Variants in BFSP1 observed in about 807,000 individuals in gnomAD.
BFSP1 encodes the protein beaded filament structural protein 1.
A neutral mutation model predicts 43.9 loss-of-function variants in BFSP1; 38 were observed. The ratio of observed to expected loss-of-function variants is 0.87; its 90% CI spans 0.67 to 1.14. The LOEUF is 1.14. Ranked by LOEUF, BFSP1 falls within the 50% of genes most tolerant of loss-of-function variation. The pLI, the probability that BFSP1 is intolerant of heterozygous loss-of-function variation, is 0.00. For synonymous variants in BFSP1, 352 were observed against 354.8 expected (o/e 0.99, Z 0.09); for missense variants, 850 against 875.1 (o/e 0.97, Z 0.36).
intron 4 of BFSP1, among the ~76,000 whole-genome samples, chr20:17,511,177 G>A (rs749233256): frequency 5.3e-5 from 8 of 152,160 alleles, no homozygotes; most frequent in African/African-American, 9.7e-5. Context: ...TAGGAAAAGC[G>A]TTACTATCCC....
Position 17,494,038 on chromosome 20 carries a change from C to T in BFSP1, c.*36G>A, listed in dbSNP as rs2033557927. 4 of 1,541,022 alleles carry T rather than the reference C, an allele frequency of 2.6e-6. No homozygotes were observed. The highest frequency in any genetic ancestry group is 3.5e-6 in the Non-Finnish European group (4 of 1,130,924). On this transcript the variant is annotated 3_prime_UTR_variant, in exon 8 of 8. Coordinates refer to ENST00000377873, the MANE Select transcript of BFSP1 (RefSeq NM_001195.5). ...TATCAAAGCATTACCCCTACAGTGG[C>T]CCCAAATACATTTTATCCCATCAAG... is the stretch of plus-strand genomic sequence containing the variant.
At chr20:17,522,173 C>T (rs2034332073) in intron 2 of BFSP1, among the ~76,000 whole-genome samples, 1 of 152,176 alleles carries the variant, frequency 6.6e-6, no homozygotes, top group Non-Finnish European at 1.5e-5. Context: ...TACCGGTTCC[C>T]TGACTATTCT....
intron 1 of BFSP1, among the ~76,000 whole-genome samples, chr20:17,540,378 T>G (rs1313723297): frequency 6.6e-6 from 1 of 152,118 alleles, no homozygotes; most frequent in Non-Finnish European, 1.5e-5. Flanking sequence ...TTGACACCAA[T>G]ATCTTCCCTA....
In BFSP1 at chr20:17,508,871, C is replaced by G; in HGVS notation, c.735+18G>C. ...CATGTGGGAAGCCCCAATGCACACGCGGCAGACTCGAGCGTACCTGTGCCT... is the reference window on the plus strand; with the variant it reads ...CATGTGGGAAGCCCCAATGCACACGGGGCAGACTCGAGCGTACCTGTGCCT... On this transcript the variant is annotated intron_variant, in intron 5 of 7. Coordinates refer to ENST00000377873, the MANE Select transcript of BFSP1 (RefSeq NM_001195.5). 1.3e-6 allele frequency: 2 copies of G among 1,548,122 alleles called. No homozygotes were observed. The highest frequency in any genetic ancestry group is 1.7e-6 in the Non-Finnish European group (2 of 1,149,210).
rs369309645 is a variant in BFSP1, at chr20:17,508,982, C to T, written c.642G>A (p.Thr214=). Reference sequence around the variant, plus strand: ...TCCGCAGGGCGGCCACCTCCCGCTCCGTCAGGAGCTTCTCCTGCACAGAGA... The same window carrying T: ...TCCGCAGGGCGGCCACCTCCCGCTCTGTCAGGAGCTTCTCCTGCACAGAGA... ...TSGMREEKLL[T]EREVAALRSQ... is the part of the protein sequence containing the mutation. Residue 214 remains threonine (T), a synonymous_variant, in exon 5 of 8, where the codon ACG becomes ACA. Coordinates refer to ENST00000377873, the MANE Select transcript of BFSP1 (RefSeq NM_001195.5). The T allele has an allele frequency of 6.9e-6, 11 of 1,587,444 alleles. No homozygotes were observed. Among genetic ancestry groups the T allele is most frequent in the Middle Eastern group, 1.7e-4 (1 of 6,008 alleles).
chr20:17,515,696 T>C (rs1172756262), intron 2 of BFSP1, among the ~76,000 whole-genome samples: 13 of 152,168 alleles, frequency 8.5e-5, no homozygotes, highest in Admixed American at 8.5e-4. Context: ...ATCTTCGGTG[T>C]GATATTACAG....
At chr20:17,498,606 C>CCCT (rs2033712654) in intron 6 of BFSP1, among the ~76,000 whole-genome samples, 1 of 152,188 alleles carries the variant, frequency 6.6e-6, no homozygotes, top group Admixed American at 6.5e-5. Flanking sequence ...ATTGCCACCA[C>CCCT]CCTCCTCCCT....
At chr20:17,510,881 C>A (rs577820471) in intron 4 of BFSP1, among the ~76,000 whole-genome samples, 1 of 152,338 alleles carries the variant, frequency 6.6e-6, no homozygotes, top group African/African-American at 2.4e-5. Flanking sequence ...ATCCACCAAA[C>A]CCTGTAGTAG....
intron 1 of BFSP1, among the ~76,000 whole-genome samples, chr20:17,543,312 A>T (rs1022913825): frequency 1.3e-5 from 2 of 152,260 alleles, no homozygotes; most frequent in African/African-American, 4.8e-5. Context: ...AAGAAGGGTC[A>T]TCCAGAGCCC....
At chr20:17,561,167 T>C (rs2035063546), upstream of BFSP1, among the ~76,000 whole-genome samples, 1 of 152,212 alleles carries the variant, frequency 6.6e-6, no homozygotes, top group South Asian at 2.1e-4. Context: ...TTTTTCTTTC[T>C]CCGGAAGTAC....
rs1299748490 is a variant in BFSP1 at position 17,494,525 on chromosome 20, G to A, written c.1547C>T (p.Ser516Leu). Reference protein sequence around the residue: ...YDGQVEPSPESPKPPLENGQV... With the variant: ...YDGQVEPSPELPKPPLENGQV... ...CCCATTCTCTAAAGGGGGCTTGGGTGACTCAGGAGAGGGCTCCACCTGGCC... is the reference window on the plus strand; with the variant it reads ...CCCATTCTCTAAAGGGGGCTTGGGTAACTCAGGAGAGGGCTCCACCTGGCC... Residue 516 changes from serine (S) to leucine (L), a missense_variant, in exon 8 of 8, where the codon TCA (serine) becomes TTA (leucine). Physicochemically the swap from Ser to Leu is moderately radical, Grantham distance 145 (BLOSUM62 -2). Coordinates refer to ENST00000377873, the MANE Select transcript of BFSP1 (RefSeq NM_001195.5). 1 of 1,614,212 alleles carries A rather than the reference G, an allele frequency of 6.2e-7. No individual in the cohort carries two copies. Among genetic ancestry groups the A allele is most frequent in the East Asian group, 2.2e-5 (1 of 44,880 alleles).
At chr20:17,509,517 T>C (rs2034024526) in intron 4 of BFSP1, among the ~76,000 whole-genome samples, 1 of 152,158 alleles carries the variant, frequency 6.6e-6, no homozygotes, top group African/African-American at 2.4e-5. Context: ...CTTGGGAGTG[T>C]GACATGCCGG....
intron 5 of BFSP1, among the ~76,000 whole-genome samples, chr20:17,499,965 A>G (rs939626587): frequency 2.0e-5 from 3 of 152,260 alleles, no homozygotes; most frequent in African/African-American, 7.2e-5. Flanking sequence ...TAATATGTAT[A>G]ATTCAAATAA....
At position 17,566,741 on chromosome 20, in the gene BFSP1, G is replaced by C. The variant is rs1264442427; in HGVS notation, n.50+2430C>G. On this transcript the variant is annotated intron_variant and non_coding_transcript_variant, in intron 1 of 6. Coordinates refer to the BFSP1 transcript ENST00000473415. ...ACGATCTCAGCTCACTGCAGCCCCTGCCTCCTGGGTTCAAGCAATTCCCTG... is the reference window on the plus strand; with the variant it reads ...ACGATCTCAGCTCACTGCAGCCCCTCCCTCCTGGGTTCAAGCAATTCCCTG... Among the ~76,000 whole-genome samples the C allele has an allele frequency of 7.9e-5, 12 of 152,154 alleles. 1 individual carries two copies. Among genetic ancestry groups the C allele is most frequent in the Admixed American group, 7.2e-4 (11 of 15,276 alleles).
At chr20:17,498,730 C>A in intron 6 of BFSP1, 90 bp downstream of exon 6, 1 of 1,410,188 alleles carries the variant, frequency 7.1e-7, no homozygotes, top group Non-Finnish European at 9.7e-7. Context: ...CACATGCCCA[C>A]TGCCTATAAC....
chr20:17,552,408 G>A (rs6131968), intron 1 of BFSP1, among the ~76,000 whole-genome samples: 2,009 of 152,338 alleles, frequency 0.013, 38 homozygotes, highest in East Asian at 0.083. Context: ...AGGGCAACGA[G>A]AGGACAGATC....
At chr20:17,539,117 T>C (rs2034676320) in intron 1 of BFSP1, among the ~76,000 whole-genome samples, 1 of 140,872 alleles carries the variant, frequency 7.1e-6, no homozygotes, top group East Asian at 2.1e-4. Flanking sequence ...TTTTTTTTTT[T>C]TTTTTTTTTT....
At chr20:17,515,692 G>A (rs1234456716) in intron 2 of BFSP1, among the ~76,000 whole-genome samples, 5 of 152,044 alleles carry the variant, frequency 3.3e-5, no homozygotes, top group Non-Finnish European at 7.4e-5. Context: ...TGGCATCTTC[G>A]GTGTGATATT....
At chr20:17,549,715 A>G (rs146131966) in intron 1 of BFSP1, among the ~76,000 whole-genome samples, 2,956 of 152,264 alleles carry the variant, frequency 0.019, 50 homozygotes, top group Non-Finnish European at 0.031. Flanking sequence ...ACACACCTGT[A>G]ATCCCAGCTA....
Sources: allele counts gnomAD v4.1 joint callset (sites outside exome capture counted in the v4.1 genomes callset), GRCh38; gene constraint gnomAD v4.1.1; transcripts MANE v1.5; gene names NCBI Gene and HGNC (gene_info 2026-07-23, HGNC 2026-07-21).